Variants in PKLR observed in about 807,000 individuals in gnomAD.
The protein encoded by PKLR is pyruvate kinase PKLR.
Under a neutral mutation model 53.6 loss-of-function variants are expected in PKLR, and 38 were observed. The ratio of observed to expected loss-of-function variants is 0.71; its 90% CI spans 0.55 to 0.93. PKLR has a LOEUF of 0.93. Ranked by LOEUF, PKLR falls within the 40% of genes least tolerant of loss-of-function variation. The pLI is 0.00. For missense variants in PKLR, 702 were observed against 787.3 expected (o/e 0.89, Z 1.30); for synonymous variants, 328 against 316.2 (o/e 1.04, Z -0.39).
In PKLR at chr1:155,300,889, C is replaced by A. The variant is rs746180822; in HGVS notation, c.100+407G>T. 1.2e-6 allele frequency: 2 copies of A among 1,611,362 alleles called. No individual in the cohort carries two copies. Among genetic ancestry groups the A allele is most frequent in the Admixed American group, 1.7e-5 (1 of 59,658 alleles). ...CCCGATTCCAGCCGCACCTTCCATG[C>A]CACTGCACACCTCTCTGGGTCTCCC... is the stretch of plus-strand genomic sequence containing the variant. On this transcript the variant is annotated intron_variant, in intron 1 of 10. Transcript: ENST00000342741.
intron 2 of PKLR, among the ~76,000 whole-genome samples, chr1:155,296,956 G>A (rs1472717671): frequency 6.6e-6 from 1 of 151,948 alleles, no homozygotes; most frequent in East Asian, 1.9e-4. Context: ...TCCTCTATTG[G>A]CCCATCAGCA....
At chr1:155,308,618 G>T in the PKLR span, 3 of 985,414 alleles carry the variant, frequency 3.0e-6, no homozygotes, top group Non-Finnish European at 3.6e-6. Flanking sequence ...AAGCCACAGC[G>T]GGGACGTTCC....
Position 155,301,423 on chromosome 1 carries a change from G to T in PKLR, c.-28C>A. On this transcript the variant is annotated 5_prime_UTR_variant, in exon 1 of 11. Coordinates refer to ENST00000342741, the MANE Select transcript of PKLR (RefSeq NM_000298.6). ...TTTCAGTGTGGGCCTGGGGCTGCGG[G>T]ACCATGGAATGAGAGGGAGAGGATG... 6.2e-7 allele frequency: 1 copy of T among 1,614,002 alleles called. No homozygotes were observed. Among genetic ancestry groups the T allele is most frequent in the Non-Finnish European group, 8.5e-7 (1 of 1,179,970 alleles).
chr1:155,290,558 G>A lies in PKLR; in HGVS notation c.*14C>T, dbSNP rs8177994. 671 of 1,522,114 alleles carry A rather than the reference G, an allele frequency of 4.4e-4. 3 individuals are homozygous for A. The African/African-American group carries it at 7.1e-3, about 16-fold the overall frequency. The allele number at this position is 1,522,114 out of a possible 1,614,324, so 94.3% of individuals were successfully genotyped here. A position where few individuals can be genotyped will look rare whatever the true frequency, so the allele number is the denominator to read the frequency against. On this transcript the variant is annotated 3_prime_UTR_variant, in exon 11 of 11. Coordinates refer to ENST00000342741, the MANE Select transcript of PKLR (RefSeq NM_000298.6). ...GGTACAAGGGTAGGCTGGGCCAGAG[G>A]AGGGAGGGGCGTCTCAGGATATGCT...
At chr1:155,301,487 G>C, upstream of PKLR, 5 of 1,580,378 alleles carry the variant, frequency 3.2e-6, no homozygotes, top group Non-Finnish European at 4.3e-6. Context: ...ACAGAGAAGA[G>C]AAAAGGGGCA....
intron 2 of PKLR, among the ~76,000 whole-genome samples, chr1:155,296,397 C>T (rs1026591135): frequency 1.3e-5 from 2 of 151,936 alleles, no homozygotes; most frequent in African/African-American, 4.8e-5. Flanking sequence ...GGCTGGAGTG[C>T]AGTGGCACCA....
intron 2 of PKLR, among the ~76,000 whole-genome samples, chr1:155,299,491 C>CTTTTTTTTTTTTTTTTTTTTTTTTTTTT (rs35869567): frequency 2.3e-5 from 1 of 42,760 alleles, no homozygotes; most frequent in Non-Finnish European, 4.0e-5. Flanking sequence ...GCCCAGCCCA[C>CTTTTTTTTTTTTTTTTTTTTTTTTTTTT]TTTTTTTTTT....
chr1:155,295,335 G>A lies in PKLR; in HGVS notation c.508-33C>T, dbSNP rs764713213. 8 of 1,613,486 alleles carry A rather than the reference G, an allele frequency of 5.0e-6. No individual in the cohort carries two copies. Among genetic ancestry groups the A allele is most frequent in the Non-Finnish European group, 5.9e-6 (7 of 1,179,660 alleles). The stretch of plus-strand genomic sequence containing the variant: ...GGGAGCCAGAGGAGATGTGAGTTCT[G>A]AGCCCCGGAGTCCGGGACCCGCCCC... On this transcript the variant is annotated intron_variant, in intron 4 of 10. Coordinates refer to ENST00000342741, the MANE Select transcript of PKLR (RefSeq NM_000298.6). This position sits in a 1 kb window ranked among gnomAD's most constrained non-coding sequence, Gnocchi z 4.3.
chr1:155,295,878 C>A lies in PKLR; in HGVS notation c.284-122G>T, dbSNP rs1647564708. 3.8e-6 allele frequency: 3 copies of A among 796,806 alleles called. No individual in the cohort carries two copies. Among genetic ancestry groups the A allele is most frequent in the Non-Finnish European group, 6.5e-6 (3 of 464,248 alleles). 49.4% of individuals were successfully genotyped at this position (796,806 alleles called of 1,614,324 possible). On this transcript the variant is annotated intron_variant, in intron 2 of 10. Transcript: ENST00000342741. The surrounding 1 kb of genome is among the most constrained non-coding windows in gnomAD (Gnocchi z 4.3). ...GGCGTCCTGTTACCTGATCTTTATT[C>A]CCTGATGCAACCCCTGCCCACAGAT...
At chr1:155,303,163 T>C (rs1280341279), upstream of PKLR, among the ~76,000 whole-genome samples, 3 of 152,256 alleles carry the variant, frequency 2.0e-5, no homozygotes, top group African/African-American at 7.2e-5. Flanking sequence ...CCCTAATGTA[T>C]GCTTTGGCCT....
chr1:155,301,453 A>C, upstream of PKLR: 1 of 1,613,328 alleles, frequency 6.2e-7, no homozygotes, highest in Non-Finnish European at 8.5e-7. Context: ...AGGATGACAA[A>C]ACTGCTGGTC....
At chr1:155,307,939 G>A in the PKLR span, among the ~76,000 whole-genome samples, 18 of 152,054 alleles carry the variant, frequency 1.2e-4, no homozygotes, top group Admixed American at 1.2e-3. Flanking sequence ...AGCACACCTG[G>A]GTAATTTTTG....
chr1:155,302,974 C>T (rs1648113241), upstream of PKLR, among the ~76,000 whole-genome samples: 1 of 152,222 alleles, frequency 6.6e-6, no homozygotes, highest in African/African-American at 2.4e-5. Flanking sequence ...GGTCCTCCTG[C>T]CTTGGTCTCC....
chr1:155,303,633 TA>T (rs1394906433), upstream of PKLR, among the ~76,000 whole-genome samples: 2 of 152,312 alleles, frequency 1.3e-5, no homozygotes, highest in African/African-American at 4.8e-5. Flanking sequence ...TTTATTTATT[TA>T]TTTTTTTGGA....
intron 2 of PKLR, among the ~76,000 whole-genome samples, chr1:155,298,160 C>G (rs1027171900): frequency 2.0e-5 from 3 of 151,978 alleles, no homozygotes; most frequent in African/African-American, 7.3e-5. Context: ...CTCAGCCTTC[C>G]GAGTAGCTGG....
rs8177970 is a variant in PKLR, at chr1:155,295,870, T to C, written c.284-114A>G. 0.01 allele frequency: 8,794 copies of C among 852,078 alleles called. 521 individuals carry two copies. The African/African-American group carries it at 0.13, about 12-fold the overall frequency. 52.8% of individuals were successfully genotyped at this position (852,078 alleles called of 1,614,324 possible). On this transcript the variant is annotated intron_variant, in intron 2 of 10. Coordinates refer to ENST00000342741, the MANE Select transcript of PKLR (RefSeq NM_000298.6). The surrounding 1 kb of genome is among the most constrained non-coding windows in gnomAD (Gnocchi z 4.3). ...ACGCCACAGGCGTCCTGTTACCTGA[T>C]CTTTATTCCCTGATGCAACCCCTGC... is the stretch of plus-strand genomic sequence containing the variant.
chr1:155,291,297 A>G (rs996866992), intron 10 of PKLR, among the ~76,000 whole-genome samples: 1 of 151,898 alleles, frequency 6.6e-6, no homozygotes, highest in East Asian at 1.9e-4. Context: ...AGACATTGAG[A>G]CCATCCTGGC....
chr1:155,294,225 C>A lies in PKLR; in HGVS notation c.1116+10G>T, dbSNP rs780010017. Reference sequence around the variant, plus strand: ...CACAGAGTGCCGAACCTCAAGGCCTCACTCCAGACCTGTGTGGCACAGACA... The same window carrying A: ...CACAGAGTGCCGAACCTCAAGGCCTAACTCCAGACCTGTGTGGCACAGACA... On this transcript the variant is annotated intron_variant, in intron 7 of 10. Coordinates refer to ENST00000342741, the MANE Select transcript of PKLR (RefSeq NM_000298.6). The A allele has an allele frequency of 1.2e-6, 2 of 1,614,222 alleles. No homozygotes were observed. Among genetic ancestry groups the A allele is most frequent in the Non-Finnish European group, 1.7e-6 (2 of 1,180,030 alleles).
At chr1:155,305,354 G>A (rs1648205967), upstream of PKLR, among the ~76,000 whole-genome samples, 1 of 152,184 alleles carries the variant, frequency 6.6e-6, no homozygotes, top group South Asian at 2.1e-4. Context: ...AGCCCGAGCT[G>A]TAACCACTAA....
Sources: allele counts gnomAD v4.1 joint callset (sites outside exome capture counted in the v4.1 genomes callset), GRCh38; gene constraint gnomAD v4.1.1; non-coding constraint Gnocchi (gnomAD v3.1); transcripts MANE v1.5; gene names NCBI Gene and HGNC (gene_info 2026-07-23, HGNC 2026-07-21).